CNKSR3: variants seen among roughly 807,000 people sequenced by gnomAD.
CNKSR3 encodes CNKSR family member 3, also known as connector enhancer of kinase suppressor of ras 3.
Under a neutral mutation model 67.7 loss-of-function variants are expected in CNKSR3, and 36 were observed. That is an observed-to-expected ratio of 0.53 (90% CI 0.41 to 0.70). The LOEUF (loss-of-function observed/expected upper bound fraction) is 0.70, where lower values mean the gene tolerates loss of function less well. Among genes scored for constraint, CNKSR3 ranks in the 30% least tolerant of loss-of-function variants. CNKSR3 has a pLI of 0.00. For missense variants in CNKSR3, 630 were observed against 695.2 expected (o/e 0.91, Z 1.05); for synonymous variants, 281 against 271.4 (o/e 1.04, Z -0.35).
chr6:154,441,956 G>A, intron 3 of CNKSR3, 132 bp downstream of exon 3: 1 of 768,050 alleles, frequency 1.3e-6, no homozygotes, highest in African/African-American at 1.8e-5. Flanking sequence ...CACTGATCGA[G>A]GACTCCTTAA....
At chr6:154,447,802 C>G (rs1013079915) in intron 2 of CNKSR3, among the ~76,000 whole-genome samples, 6 of 152,136 alleles carry the variant, frequency 3.9e-5, no homozygotes, top group African/African-American at 1.4e-4. Context: ...ACACCAAGGC[C>G]AACTGCATTT....
At chr6:154,454,711 G>A (rs920048959) in intron 1 of CNKSR3, among the ~76,000 whole-genome samples, 4 of 151,482 alleles carry the variant, frequency 2.6e-5, no homozygotes, top group South Asian at 2.1e-4. Context: ...TTGTAGAAAC[G>A]AGGTCTCCCT....
chr6:154,507,755 G>A (rs1582910840), intron 1 of CNKSR3, among the ~76,000 whole-genome samples: 1 of 152,152 alleles, frequency 6.6e-6, no homozygotes, highest in South Asian at 2.1e-4. Context: ...AGTAAGTATC[G>A]TAGGTATTGA....
At chr6:154,476,530 C>A (rs1026472087) in intron 1 of CNKSR3, among the ~76,000 whole-genome samples, 5 of 150,654 alleles carry the variant, frequency 3.3e-5, no homozygotes, top group Admixed American at 1.3e-4. Context: ...CAGAAAAGTT[C>A]TTTTGTTTCC....
intron 5 of CNKSR3, among the ~76,000 whole-genome samples, chr6:154,431,440 CAAAAAAAA>C (rs34060385): frequency 2.1e-5 from 2 of 93,564 alleles, no homozygotes; most frequent in African/African-American, 3.4e-5. Context: ...GAGACTCTGT[CAAAAAAAA>C]AAAAAAAAAA....
chr6:154,411,998 C>T (rs954632451), intron 10 of CNKSR3, among the ~76,000 whole-genome samples: 4 of 152,228 alleles, frequency 2.6e-5, no homozygotes, highest in African/African-American at 7.2e-5. Context: ...ATTCTATCTA[C>T]ATGTCAGTTT....
intron 1 of CNKSR3, among the ~76,000 whole-genome samples, chr6:154,469,049 C>T (rs141231001): frequency 3.1e-3 from 471 of 152,250 alleles, no homozygotes; most frequent in African/African-American, 0.01. Flanking sequence ...AAGAAAATAA[C>T]GAAGTACTGT....
intron 2 of CNKSR3, 87 bp downstream of exon 2, chr6:154,450,008 T>C: frequency 8.1e-7 from 1 of 1,240,530 alleles, no homozygotes; most frequent in Non-Finnish European, 1.1e-6. Flanking sequence ...GAAAGAGTGA[T>C]ATGCTAAATC....
At chr6:154,419,587 C>T (rs961447751) in intron 9 of CNKSR3, among the ~76,000 whole-genome samples, 16 of 152,228 alleles carry the variant, frequency 1.1e-4, no homozygotes, top group African/African-American at 3.1e-4. Context: ...GAAAACACTA[C>T]GGAGGTTTCC....
rs1363325606 is a variant in CNKSR3 at position 154,405,106 on chromosome 6, C to T, written c.*1248G>A. On this transcript the variant is annotated 3_prime_UTR_variant, in exon 13 of 13. Coordinates refer to ENST00000607772, the MANE Select transcript of CNKSR3 (RefSeq NM_173515.4). Reference sequence around the variant, plus strand: ...CTCGTGCAATTTCACTTTGCATATGCTTCTCCTGTTCTTCCATTTCTAATC... The same window carrying T: ...CTCGTGCAATTTCACTTTGCATATGTTTCTCCTGTTCTTCCATTTCTAATC... 1.3e-5 allele frequency: 2 copies of T among 152,286 alleles called. No homozygotes were observed. Among genetic ancestry groups the T allele is most frequent in the Non-Finnish European group, 2.9e-5 (2 of 68,030 alleles). 9.4% of individuals were successfully genotyped at this position (152,286 alleles called of 1,614,324 possible).
chr6:154,475,942 T>G (rs929281827), intron 1 of CNKSR3, among the ~76,000 whole-genome samples: 1 of 152,092 alleles, frequency 6.6e-6, no homozygotes, highest in African/African-American at 2.4e-5. Context: ...CCAGGGGACC[T>G]CTAGGCAAAC....
chr6:154,504,727 TG>T (rs1787064610), intron 1 of CNKSR3, among the ~76,000 whole-genome samples: 1 of 149,034 alleles, frequency 6.7e-6, no homozygotes, highest in Non-Finnish European at 1.5e-5. Flanking sequence ...TCAAAGAGGC[TG>T]GACAGGTGCA....
In CNKSR3 at chr6:154,393,657, G is replaced by A. The variant is rs1002768629; in HGVS notation, c.*12697C>T. ...TGATGAGGAAAAGTTCTAAGCTTTAGCGTAGCTGAATTTATTAGTCTTTTC... is the reference window on the plus strand; with the variant it reads ...TGATGAGGAAAAGTTCTAAGCTTTAACGTAGCTGAATTTATTAGTCTTTTC... On this transcript the variant is annotated 3_prime_UTR_variant, in exon 13 of 13. Transcript: ENST00000607772. 3 of 152,130 alleles carry A rather than the reference G, an allele frequency of 2.0e-5. No homozygotes were observed. The highest frequency in any genetic ancestry group is 4.4e-5 in the Non-Finnish European group (3 of 68,016). 9.4% of individuals were successfully genotyped at this position (152,130 alleles called of 1,614,324 possible).
intron 9 of CNKSR3, among the ~76,000 whole-genome samples, chr6:154,415,126 GAAAGA>G (rs1180049737): frequency 1.8e-4 from 19 of 107,466 alleles, no homozygotes; most frequent in African/African-American, 6.3e-4. Context: ...AAAAAAACAA[GAAAGA>G]AAAGAAAAGA....
intron 4 of CNKSR3, among the ~76,000 whole-genome samples, chr6:154,437,435 A>G (rs546760929): frequency 3.4e-4 from 31 of 91,050 alleles, no homozygotes; most frequent in African/African-American, 1.2e-3. Context: ...TTTTTTTGAG[A>G]TGGAGTTTCA....
rs1784581616 is a variant in CNKSR3, at chr6:154,389,254, G to A, written c.*17100C>T. The A allele has an allele frequency of 6.6e-6, 1 of 152,120 alleles. No homozygotes were observed. Among genetic ancestry groups the A allele is most frequent in the African/African-American group, 2.4e-5 (1 of 41,436 alleles). The allele number at this position is 152,120 out of a possible 1,614,324, so 9.4% of individuals were successfully genotyped here. A position where few individuals can be genotyped will look rare whatever the true frequency, so the allele number is the denominator to read the frequency against. ...TGTTTAAATCTTTAATCCATTTTGA[G>A]TTGGGTTTTGTATGTGATGTAAGAT... is the stretch of plus-strand genomic sequence containing the variant. On this transcript the variant is annotated 3_prime_UTR_variant, in exon 13 of 13. Coordinates refer to ENST00000607772, the MANE Select transcript of CNKSR3 (RefSeq NM_173515.4).
intron 1 of CNKSR3, among the ~76,000 whole-genome samples, chr6:154,471,976 T>A (rs1471353536): frequency 1.3e-5 from 2 of 152,208 alleles, no homozygotes; most frequent in Admixed American, 1.3e-4. Flanking sequence ...AAATTTCCAA[T>A]AAGTCTGCCC....
rs1785953442 is a variant in CNKSR3 at position 154,456,330 on chromosome 6, T to TTTTC, written c.53-6073_53-6072insGAAA. 4.6e-5 allele frequency among the ~76,000 whole-genome samples: 7 copies of TTTTC among 152,082 alleles called. 1 individual carries two copies. Among genetic ancestry groups the TTTTC allele is most frequent in the African/African-American group, 1.7e-4 (7 of 41,444 alleles). On this transcript the variant is annotated intron_variant, in intron 1 of 12. Transcript: ENST00000607772. Reference sequence around the variant, plus strand: ...TTTTTGTTTTGTTTTGTTTTGTTTTTTTAATGATTAAATTCAGAAATCAGT... The same window carrying TTTTC: ...TTTTTGTTTTGTTTTGTTTTGTTTTTTTTCTTAATGATTAAATTCAGAAATCAGT...
intron 1 of CNKSR3, among the ~76,000 whole-genome samples, chr6:154,455,155 C>CAA (rs1204515634): frequency 1.5e-5 from 2 of 130,998 alleles, no homozygotes; most frequent in Admixed American, 7.7e-5. Context: ...ACTAAAAATA[C>CAA]AAAAAAAAAA....
Sources: gnomAD v4.1 joint callset for allele counts (sites outside exome capture counted in the v4.1 genomes callset) on GRCh38, gnomAD v4.1.1 for gene constraint, MANE v1.5 for transcripts, NCBI Gene and HGNC (gene_info 2026-07-23, HGNC 2026-07-21) for gene names.